SOX5: variants seen among roughly 807,000 people sequenced by gnomAD.
SOX5 encodes the protein SRY-box transcription factor 5.
Under a neutral mutation model 92.0 loss-of-function variants are expected in SOX5, and 9 were observed. The ratio of observed to expected loss-of-function variants is 0.10; its 90% CI spans 0.06 to 0.17. The LOEUF (loss-of-function observed/expected upper bound fraction) is 0.17. SOX5 is among the 10% of genes least tolerant of loss of function. SOX5 has a pLI of 1.00. For synonymous variants in SOX5, 344 were observed against 336.3 expected, an observed-to-expected ratio of 1.02 and a Z score of -0.25; for missense variants, 642 against 944.5, an observed-to-expected ratio of 0.68 and a Z score of 4.20.
chr12:23,775,974 C>A (rs1167454245), intron 3 of SOX5, among the ~76,000 whole-genome samples: 1 of 152,088 alleles, frequency 6.6e-6, no homozygotes, highest in Admixed American at 6.6e-5. Context: ...GAGTGGGGAA[C>A]GATGGTTTCG....
Position 24,043,751 on chromosome 12 carries a change from T to G in SOX5, c.-1-147727A>C, listed in dbSNP as rs536185080. On this transcript the variant is annotated intron_variant, in intron 4 of 4. Transcript: ENST00000446891. ...AAATGTTATGGAATTACTCATAAAA[T>G]TGTAAATATAAGATATAGCTACCTC... Among the ~76,000 whole-genome samples the G allele has an allele frequency of 7.9e-5, 12 of 152,336 alleles. No homozygotes were observed. The South Asian group carries it at 2.3e-3, about 29-fold the overall frequency.
chr12:24,313,194 CT>C (rs1413612127), intron 2 of SOX5, among the ~76,000 whole-genome samples: 1 of 152,104 alleles, frequency 6.6e-6, no homozygotes, highest in Non-Finnish European at 1.5e-5. Context: ...CTTAAATGAT[CT>C]AGCTCAAATA....
chr12:23,611,048 C>T (rs766149875), intron 8 of SOX5, among the ~76,000 whole-genome samples: 18 of 152,012 alleles, frequency 1.2e-4, no homozygotes, highest in Non-Finnish European at 2.2e-4. Flanking sequence ...GTAGGAGTTA[C>T]GGTTGCTGGT....
At chr12:24,515,178 G>T (rs1949670582) in intron 1 of SOX5, among the ~76,000 whole-genome samples, 1 of 152,158 alleles carries the variant, frequency 6.6e-6, no homozygotes. Flanking sequence ...AAAAGTGTGG[G>T]TTCTGATTTC....
intron 1 of SOX5, among the ~76,000 whole-genome samples, chr12:23,900,712 A>G (rs1196095120): frequency 6.6e-6 from 1 of 152,158 alleles, no homozygotes; most frequent in Non-Finnish European, 1.5e-5. Context: ...GCAGTGACTC[A>G]TGCCTGTAAT....
upstream of SOX5, among the ~76,000 whole-genome samples, chr12:23,955,333 G>A (rs931821308): frequency 8.5e-5 from 13 of 152,074 alleles, no homozygotes; most frequent in Non-Finnish European, 1.2e-4. Flanking sequence ...AAACAGAGAA[G>A]AATAGTATTC....
At chr12:23,562,547 C>T (rs1313673186) in intron 11 of SOX5, among the ~76,000 whole-genome samples, 1 of 152,126 alleles carries the variant, frequency 6.6e-6, no homozygotes. Flanking sequence ...CACTGGGTAA[C>T]ATTTTAAAAT....
intron 4 of SOX5, among the ~76,000 whole-genome samples, chr12:24,186,639 A>T (rs1201512233): frequency 1.3e-5 from 2 of 152,178 alleles, no homozygotes; most frequent in African/African-American, 4.8e-5. Flanking sequence ...ATGAAAATCA[A>T]GTATAAAGAA....
At chr12:24,273,251 G>A (rs1199426368) in intron 3 of SOX5, among the ~76,000 whole-genome samples, 6 of 152,154 alleles carry the variant, frequency 3.9e-5, no homozygotes, top group Middle Eastern at 3.4e-3. Flanking sequence ...CCAGTGAGAC[G>A]CGGTCTCAAA....
intron 4 of SOX5, among the ~76,000 whole-genome samples, chr12:24,045,237 T>C (rs920032084): frequency 6.6e-6 from 1 of 152,192 alleles, no homozygotes; most frequent in Non-Finnish European, 1.5e-5. Context: ...CTTTAGGTTA[T>C]TCATTTATAA....
chr12:24,235,077 T>A (rs1340904006), intron 3 of SOX5, among the ~76,000 whole-genome samples: 1 of 152,224 alleles, frequency 6.6e-6, no homozygotes, highest in African/African-American at 2.4e-5. Context: ...TTTGTTTGTT[T>A]TGCTTTTTAA....
intron 8 of SOX5, among the ~76,000 whole-genome samples, chr12:23,609,374 A>G (rs1691190255): frequency 2.6e-5 from 4 of 152,244 alleles, no homozygotes; most frequent in African/African-American, 9.6e-5. Flanking sequence ...TTGATAAGAC[A>G]GAAATATCAG....
At chr12:23,918,234 A>G (rs2097439113) in intron 1 of SOX5, among the ~76,000 whole-genome samples, 1 of 152,182 alleles carries the variant, frequency 6.6e-6, no homozygotes, top group African/African-American at 2.4e-5. Context: ...TTTCCATTTC[A>G]TAAGTAATTT....
At chr12:23,743,115 A>C (rs2141028725) in intron 4 of SOX5, among the ~76,000 whole-genome samples, 1 of 152,280 alleles carries the variant, frequency 6.6e-6, no homozygotes, top group South Asian at 2.1e-4. Context: ...TTTTGAAGAA[A>C]ATTTAATGAC....
chr12:24,445,129 G>T (rs1013239621), intron 1 of SOX5, among the ~76,000 whole-genome samples: 1 of 152,130 alleles, frequency 6.6e-6, no homozygotes, highest in Admixed American at 6.5e-5. Flanking sequence ...GTACTTACAA[G>T]TAAGTTAGTT....
chr12:23,830,609 G>A (rs2096300990), intron 3 of SOX5, among the ~76,000 whole-genome samples: 1 of 152,082 alleles, frequency 6.6e-6, no homozygotes, highest in Admixed American at 6.6e-5. Context: ...CTTTTCCCCT[G>A]ATCCGTTCAC....
At chr12:24,272,174 TCA>T (rs1211674096) in intron 3 of SOX5, among the ~76,000 whole-genome samples, 1 of 152,154 alleles carries the variant, frequency 6.6e-6, no homozygotes. Context: ...TAATAATGTT[TCA>T]CAATTTTCCC....
Position 23,842,529 on chromosome 12 carries a change from G to T in SOX5, c.481+3454C>A, listed in dbSNP as rs2096531040. Among the ~76,000 whole-genome samples the T allele has an allele frequency of 2.0e-5, 3 of 152,136 alleles. No homozygotes were observed. In the South Asian group the frequency reaches 6.2e-4, roughly 31 times the overall value. ...AAGCAAGGGATATACTCTGCATTCA[G>T]ATCTTGCATTCTAATATTCTCCAAT... On this transcript the variant is annotated intron_variant, in intron 3 of 14. Transcript: ENST00000451604.
At chr12:23,959,966 C>T (rs577849963) in intron 4 of SOX5, among the ~76,000 whole-genome samples, 45 of 152,146 alleles carry the variant, frequency 3.0e-4, no homozygotes, top group Non-Finnish European at 6.5e-4. Context: ...TTACTTCCTA[C>T]ACCTATTGAC....
Sources: allele counts gnomAD v4.1 joint callset (sites outside exome capture counted in the v4.1 genomes callset), GRCh38; gene constraint gnomAD v4.1.1; transcripts MANE v1.5; gene names NCBI Gene and HGNC (gene_info 2026-07-23, HGNC 2026-07-21).